The following CRPPA variants were observed in gnomAD, a reference collection of about 807,000 sequenced individuals.
CRPPA encodes the protein CDP-L-ribitol pyrophosphorylase A, also known as D-ribitol-5-phosphate cytidylyltransferase.
A neutral mutation model predicts 52.0 loss-of-function variants in CRPPA; 43 were observed. The ratio of observed to expected loss-of-function variants is 0.83; its 90% CI spans 0.65 to 1.07. The LOEUF (loss-of-function observed/expected upper bound fraction) is 1.07, where lower values mean the gene tolerates loss of function less well. Ranked by LOEUF, CRPPA falls within the 50% of genes least tolerant of loss-of-function variation. The pLI is 0.00. For missense variants in CRPPA, 629 were observed against 551.7 expected, an observed-to-expected ratio of 1.14 and a Z score of -1.40; for synonymous variants, 250 against 203.5, an observed-to-expected ratio of 1.23 and a Z score of -1.94.
chr7:16,257,653 G>T (rs902021202), intron 8 of CRPPA, among the ~76,000 whole-genome samples: 1 of 151,998 alleles, frequency 6.6e-6, no homozygotes, highest in Non-Finnish European at 1.5e-5. Context: ...TATGGGATGG[G>T]CCTGAGCTTT....
At chr7:16,282,125 T>C (rs1469272497) in intron 5 of CRPPA, among the ~76,000 whole-genome samples, 8 of 152,126 alleles carry the variant, frequency 5.3e-5, no homozygotes, top group Non-Finnish European at 1.2e-4. Flanking sequence ...TTTTTAAAAA[T>C]GTTTAAGTTG....
chr7:16,343,948 C>T (rs753664538), intron 3 of CRPPA, among the ~76,000 whole-genome samples: 8 of 152,102 alleles, frequency 5.3e-5, no homozygotes, highest in African/African-American at 7.2e-5. Context: ...TTATTAGTTC[C>T]GGTTATTAAA....
At chr7:16,401,615 T>C (rs1787819760) in intron 2 of CRPPA, among the ~76,000 whole-genome samples, 1 of 152,214 alleles carries the variant, frequency 6.6e-6, no homozygotes, top group Admixed American at 6.5e-5. Context: ...ATTGTTAGTG[T>C]TCTTAGAGTC....
At chr7:16,301,510 G>A (rs2128422966) in intron 4 of CRPPA, 44 bp from the exon 5 acceptor site, 5 of 1,442,546 alleles carry the variant, frequency 3.5e-6, no homozygotes, top group East Asian at 4.6e-5. Flanking sequence ...GAGCAGGAAG[G>A]AATGTGCAAG....
At position 16,167,714 on chromosome 7, in the gene CRPPA, T is replaced by C. The variant is rs114351254; in HGVS notation, c.1251+48352A>G. Among the ~76,000 whole-genome samples the C allele has an allele frequency of 2.9e-3, 449 of 152,340 alleles. 6 individuals are homozygous for C. The highest frequency in any genetic ancestry group is 0.011 in the African/African-American group (440 of 41,578). On this transcript the variant is annotated intron_variant, in intron 9 of 9. Transcript: ENST00000407010. ...TAATAATATTTACATTTCACGGACT[T>C]CTTTGATTTCTTTGAATGTATTATG...
At chr7:16,383,975 T>C (rs1583565724) in intron 2 of CRPPA, among the ~76,000 whole-genome samples, 1 of 152,322 alleles carries the variant, frequency 6.6e-6, no homozygotes, top group East Asian at 1.9e-4. Flanking sequence ...CGCCCTGCTT[T>C]GGCTCGCGCA....
chr7:16,297,718 T>C (rs9886161), intron 5 of CRPPA, among the ~76,000 whole-genome samples: 70 of 152,346 alleles, frequency 4.6e-4, no homozygotes, highest in African/African-American at 1.6e-3. Flanking sequence ...AGAAGCTCTA[T>C]AGCCTTTATT....
chr7:16,114,700 A>G (rs1257986409), intron 9 of CRPPA, among the ~76,000 whole-genome samples: 1 of 151,988 alleles, frequency 6.6e-6, no homozygotes, highest in Non-Finnish European at 1.5e-5. Context: ...ATGAAGAGGA[A>G]AAGAAAAAAA....
chr7:16,350,863 C>A (rs190767409), intron 3 of CRPPA, among the ~76,000 whole-genome samples: 107 of 152,224 alleles, frequency 7.0e-4, no homozygotes, highest in Non-Finnish European at 2.9e-4. Flanking sequence ...AGACTCATTT[C>A]ATCTTAAAGA....
intron 6 of CRPPA, among the ~76,000 whole-genome samples, chr7:16,265,418 C>T (rs1783927854): frequency 6.6e-6 from 1 of 152,228 alleles, no homozygotes; most frequent in African/African-American, 2.4e-5. Context: ...AGTCACAGCA[C>T]AAAGACTGGA....
chr7:16,175,351 C>T (rs1781272721), intron 9 of CRPPA, among the ~76,000 whole-genome samples: 1 of 152,130 alleles, frequency 6.6e-6, no homozygotes, highest in Admixed American at 6.6e-5. Context: ...CTGTTTGTTT[C>T]AGTTAAAGTG....
At chr7:16,352,554 A>G (rs904541197) in intron 3 of CRPPA, among the ~76,000 whole-genome samples, 2 of 152,168 alleles carry the variant, frequency 1.3e-5, no homozygotes, top group African/African-American at 4.8e-5. Flanking sequence ...CCATAATGAG[A>G]TATCATCTCA....
rs190244532 is a variant in CRPPA at position 16,356,601 on chromosome 7, C to T, written c.684+19491G>A. Among the ~76,000 whole-genome samples, 38 of 152,306 alleles carry T rather than the reference C, an allele frequency of 2.5e-4. 1 individual carries two copies. The East Asian group carries it at 5.6e-3, about 22-fold the overall frequency. On this transcript the variant is annotated intron_variant, in intron 3 of 9. Coordinates refer to ENST00000407010, the MANE Select transcript of CRPPA (RefSeq NM_001101426.4). ...AAAGTTCCCCAATTCATTTTTCAACCTGCTGTTAATCACAGCCAATAGAGA... is the reference window on the plus strand; with the variant it reads ...AAAGTTCCCCAATTCATTTTTCAACTTGCTGTTAATCACAGCCAATAGAGA...
chr7:16,330,630 G>A (rs1037115041), intron 3 of CRPPA, among the ~76,000 whole-genome samples: 15 of 152,162 alleles, frequency 9.9e-5, no homozygotes, highest in African/African-American at 3.6e-4. Flanking sequence ...AGTCACAGAG[G>A]AGGGCTCCCA....
At chr7:16,190,707 C>T (rs1339253483) in intron 9 of CRPPA, among the ~76,000 whole-genome samples, 3 of 151,988 alleles carry the variant, frequency 2.0e-5, no homozygotes, top group Non-Finnish European at 4.4e-5. Context: ...GATTTTAGTG[C>T]ACCCATCACC....
chr7:16,317,315 G>A (rs1314780003), intron 3 of CRPPA, among the ~76,000 whole-genome samples: 1 of 152,076 alleles, frequency 6.6e-6, no homozygotes, highest in Non-Finnish European at 1.5e-5. Flanking sequence ...TGATGTACCT[G>A]GTATAGTGTC....
At chr7:16,221,537 A>T (rs1380169469) in intron 8 of CRPPA, among the ~76,000 whole-genome samples, 1 of 152,186 alleles carries the variant, frequency 6.6e-6, no homozygotes, top group African/African-American at 2.4e-5. Flanking sequence ...GATTTTCACA[A>T]CCTACTCATC....
chr7:16,401,768 G>A (rs1411493607), intron 2 of CRPPA, among the ~76,000 whole-genome samples: 3 of 151,886 alleles, frequency 2.0e-5, no homozygotes, highest in Admixed American at 2.0e-4. Context: ...ACTTAATTAC[G>A]CAGAAATATA....
At chr7:16,301,989 G>C (rs186538847) in intron 4 of CRPPA, among the ~76,000 whole-genome samples, 1 of 152,118 alleles carries the variant, frequency 6.6e-6, no homozygotes, top group South Asian at 2.1e-4. Flanking sequence ...AATAGAAAGA[G>C]CCTATAGGGT....
Sources: allele counts gnomAD v4.1 joint callset (sites outside exome capture counted in the v4.1 genomes callset), GRCh38; gene constraint gnomAD v4.1.1; transcripts MANE v1.5; gene names NCBI Gene and HGNC (gene_info 2026-07-23, HGNC 2026-07-21).